Variants in NEURL1 observed in about 807,000 individuals in gnomAD.
NEURL1 encodes E3 ubiquitin-protein ligase NEURL1.
A neutral mutation model predicts 41.2 loss-of-function variants in NEURL1; 26 were observed. The ratio of observed to expected loss-of-function variants is 0.63; its 90% confidence interval spans 0.46 to 0.87. The LOEUF is 0.87. Among genes scored for constraint, NEURL1 ranks in the 40% least tolerant of loss-of-function variants. The pLI is 0.00. For synonymous variants in NEURL1, 400 were observed against 402.3 expected (o/e 0.99, Z 0.07); for missense variants, 761 against 871.1 (o/e 0.87, Z 1.59).
chr10:103,538,952 T>C (rs1188265820), intron 1 of NEURL1, among the ~76,000 whole-genome samples: 1 of 147,490 alleles, frequency 6.8e-6, no homozygotes, highest in Non-Finnish European at 1.5e-5. Context: ...CGTTTTTTTT[T>C]TTTTTTCTTT....
At chr10:103,532,873 TA>T (rs2034599841) in intron 1 of NEURL1, among the ~76,000 whole-genome samples, 1 of 151,620 alleles carries the variant, frequency 6.6e-6, no homozygotes, top group Non-Finnish European at 1.5e-5. Context: ...AGTTTTCAGC[TA>T]TTATTTCATT....
intron 1 of NEURL1, among the ~76,000 whole-genome samples, chr10:103,562,770 C>T (rs985702257): frequency 1.3e-5 from 2 of 152,066 alleles, no homozygotes; most frequent in Non-Finnish European, 2.9e-5. Flanking sequence ...GAAAAATCTA[C>T]GTCCGAAGGA....
chr10:103,571,721 A>G lies in NEURL1; in HGVS notation c.548A>G (p.Asn183Ser). The change falls in exon 3 of 6, where the codon AAC becomes AGC. Residue 183 changes from asparagine to serine, a missense_variant. Around this residue, in one of 5 missense-constraint regions of NEURL1, gnomAD observed 114 missense variants for 144.8 expected, o/e 0.79. Transcript: ENST00000369780. ...DKKGRVFHRI[N>S]DSAVMLFFSG... ...AAGGGCCGTGTCTTCCACCGCATCAACGACTCGGCTGTTATGCTGTTCTTC... is the reference window on the plus strand; with the variant it reads ...AAGGGCCGTGTCTTCCACCGCATCAGCGACTCGGCTGTTATGCTGTTCTTC... 1.9e-6 allele frequency: 3 copies of G among 1,614,198 alleles called. No homozygotes were observed. The highest frequency in any genetic ancestry group is 2.2e-5 in the South Asian group (2 of 91,086).
intron 1 of NEURL1, among the ~76,000 whole-genome samples, chr10:103,540,130 G>C (rs2034788154): frequency 6.6e-6 from 1 of 152,134 alleles, no homozygotes; most frequent in South Asian, 2.1e-4. Flanking sequence ...TTTATTACTA[G>C]CAACCAAATG....
chr10:103,569,957 C>A (rs1489081717), intron 1 of NEURL1, among the ~76,000 whole-genome samples: 3 of 152,180 alleles, frequency 2.0e-5, no homozygotes, highest in Non-Finnish European at 4.4e-5. Context: ...AGGGCTGGGC[C>A]TCTCCCTCTC....
intron 3 of NEURL1, among the ~76,000 whole-genome samples, chr10:103,579,563 T>C (rs1592238742): frequency 6.6e-6 from 1 of 152,316 alleles, no homozygotes. Context: ...CAGGGATAAA[T>C]GGATTTCCTA....
At position 103,571,132 on chromosome 10, in the gene NEURL1, C is replaced by G; in HGVS notation, c.327+19C>G. 6.2e-7 allele frequency: 1 copy of G among 1,607,552 alleles called. No individual in the cohort carries two copies. The highest frequency in any genetic ancestry group is 8.5e-7 in the Non-Finnish European group (1 of 1,177,316). ...GCTGAAGGTGGGCCTGCCCCCTGCC[C>G]CCGCCCCCGCCTCCTGCTTCCTGCT... is the stretch of plus-strand genomic sequence containing the variant. On this transcript the variant is annotated intron_variant, in intron 2 of 5. Transcript: ENST00000369780.
intron 1 of NEURL1, among the ~76,000 whole-genome samples, chr10:103,513,722 A>T (rs753985166): frequency 7.0e-5 from 10 of 141,908 alleles, no homozygotes; most frequent in Non-Finnish European, 9.3e-5. Context: ...TCAGACCTCT[A>T]TACTGTGGGG....
intron 1 of NEURL1, among the ~76,000 whole-genome samples, chr10:103,511,247 G>T (rs970092021): frequency 4.0e-5 from 6 of 151,510 alleles, no homozygotes; most frequent in Admixed American, 1.3e-4. Context: ...CCACCAGCCA[G>T]TCTGTCCCAG....
intron 3 of NEURL1, among the ~76,000 whole-genome samples, chr10:103,579,027 C>T (rs1350308151): frequency 1.3e-5 from 2 of 152,258 alleles, no homozygotes; most frequent in African/African-American, 4.8e-5. Flanking sequence ...AAATGGGACT[C>T]TCAGGCTGAC....
At chr10:103,552,746 T>A (rs2035056222) in intron 1 of NEURL1, among the ~76,000 whole-genome samples, 1 of 152,136 alleles carries the variant, frequency 6.6e-6, no homozygotes, top group African/African-American at 2.4e-5. Context: ...TAGAGTTGAA[T>A]TAAATGGTTG....
rs2035209368 is a variant in NEURL1, at chr10:103,558,502, C to CCT, written c.86-12369_86-12368dup. Among the ~76,000 whole-genome samples, 1 of 116,824 alleles carries CCT rather than the reference C, an allele frequency of 8.6e-6. No individual in the cohort carries two copies. Among genetic ancestry groups the CCT allele is most frequent in the African/African-American group, 4.0e-5 (1 of 25,212 alleles). The allele number at this position is 116,824 out of a possible 152,430, so 76.6% of individuals were successfully genotyped here. On this transcript the variant is annotated intron_variant, in intron 1 of 5. Transcript: ENST00000369780. The surrounding 1 kb of genome is among the most constrained non-coding windows in gnomAD (Gnocchi z 4.2). ...TGTGGTACTCTGTGCCTGTGCCATG[C>CCT]CTGTGTGTGTGTGTGTGTGTGTGTG...
In NEURL1 at chr10:103,590,479, TTCC is replaced by T; in HGVS notation, c.*113_*115del. 1 of 844,848 alleles carries T rather than the reference TTCC, an allele frequency of 1.2e-6. No homozygotes were observed. Among genetic ancestry groups the T allele is most frequent in the South Asian group, 1.6e-5 (1 of 62,566 alleles). The allele number at this position is 844,848 out of a possible 1,614,324, so 52.3% of individuals were successfully genotyped here. A position where few individuals can be genotyped will look rare whatever the true frequency, so the allele number is the denominator to read the frequency against. ...CTTCTCTTCCTCATTTTGGAAACTT[TTCC>T]TCCTCTATTAAACATGGGAAACTGA... On this transcript the variant is annotated 3_prime_UTR_variant, in exon 6 of 6. Coordinates refer to ENST00000369780, the MANE Select transcript of NEURL1 (RefSeq NM_004210.5).
At chr10:103,573,278 C>T (rs2035587486) in intron 3 of NEURL1, among the ~76,000 whole-genome samples, 1 of 152,154 alleles carries the variant, frequency 6.6e-6, no homozygotes, top group Admixed American at 6.5e-5. Context: ...AGGTGCTTTG[C>T]ATTTTCTCTG....
intron 1 of NEURL1, among the ~76,000 whole-genome samples, chr10:103,548,331 C>T (rs1182326397): frequency 6.6e-6 from 1 of 151,620 alleles, no homozygotes; most frequent in African/African-American, 2.4e-5. Flanking sequence ...ATGTATTTTT[C>T]TTTTTTTTTG....
Position 103,589,521 on chromosome 10 carries a change from T to C in NEURL1, c.1347T>C (p.Thr449=), listed in dbSNP as rs141026123. The part of the protein sequence containing the change: ...TITQIRILGS[T]ILAERGIPSL... ...CTCCCTCCCCTTTCACAGGCTCCACTATCCTGGCCGAGCGGGGTATCCCAT... is the reference window on the plus strand; with the variant it reads ...CTCCCTCCCCTTTCACAGGCTCCACCATCCTGGCCGAGCGGGGTATCCCAT... The change falls in exon 5 of 6, where the codon ACT becomes ACC. Residue 449 remains threonine (T), a synonymous_variant. Coordinates refer to ENST00000369780, the MANE Select transcript of NEURL1 (RefSeq NM_004210.5). The C allele has an allele frequency of 5.7e-5, 91 of 1,609,046 alleles. No homozygotes were observed. The African/African-American group carries it at 8.0e-4, about 14-fold the overall frequency.
intron 1 of NEURL1, among the ~76,000 whole-genome samples, chr10:103,562,437 A>C (rs2035317307): frequency 6.6e-6 from 1 of 152,210 alleles, no homozygotes; most frequent in South Asian, 2.1e-4. Context: ...GGAGGCTCAC[A>C]GTCCATCAGG....
intron 1 of NEURL1, among the ~76,000 whole-genome samples, chr10:103,554,321 T>C (rs766268808): frequency 7.2e-5 from 11 of 152,226 alleles, no homozygotes; most frequent in Non-Finnish European, 1.6e-4. Context: ...GAGGTGTGCA[T>C]GTAACCATGT....
intron 4 of NEURL1, among the ~76,000 whole-genome samples, chr10:103,589,143 G>A (rs1316067604): frequency 6.6e-6 from 1 of 152,090 alleles, no homozygotes; most frequent in East Asian, 1.9e-4. Context: ...CAGGGGAGAT[G>A]GTAATATACA....
Sources: gnomAD v4.1 joint callset for allele counts (sites outside exome capture counted in the v4.1 genomes callset) on GRCh38, gnomAD v4.1.1 for gene constraint, gnomAD v4.1.1 regional missense constraint, Gnocchi (gnomAD v3.1) non-coding constraint, MANE v1.5 for transcripts, NCBI Gene and HGNC (gene_info 2026-07-23, HGNC 2026-07-21) for gene names.